The following AUTS2 variants were observed in gnomAD, a reference collection of about 807,000 sequenced individuals.
The protein encoded by AUTS2 is activator of transcription and developmental regulator AUTS2, also known as autism susceptibility gene 2 protein.
AUTS2 carries 17 observed loss-of-function variants against 112.4 expected under a neutral mutation model. The ratio of observed to expected loss-of-function variants is 0.15; its 90% CI spans 0.10 to 0.23. The LOEUF (loss-of-function observed/expected upper bound fraction) is 0.23, where lower values mean the gene tolerates loss of function less well. AUTS2 is among the 10% of genes least tolerant of loss of function. The probability of loss-of-function intolerance (pLI) is 1.00; values close to 1 mark genes in which losing one functional copy is unlikely to be tolerated. For missense variants in AUTS2, 1,510 were observed against 1,701.6 expected (o/e 0.89, Z 1.98); for synonymous variants, 751 against 702.7 (o/e 1.07, Z -1.09).
intron 1 of AUTS2, among the ~76,000 whole-genome samples, chr7:69,652,496 T>C (rs1406276768): frequency 6.6e-6 from 1 of 151,194 alleles, no homozygotes; most frequent in Non-Finnish European, 1.5e-5. Flanking sequence ...ATAAAGCACT[T>C]TGGAACTTAG....
At chr7:70,152,321 C>G (rs894487115) in intron 4 of AUTS2, among the ~76,000 whole-genome samples, 1 of 151,798 alleles carries the variant, frequency 6.6e-6, no homozygotes, top group Admixed American at 6.6e-5. Flanking sequence ...ATTACACCAA[C>G]ACATATTATA....
At chr7:70,283,615 T>A (rs1011257476) in intron 4 of AUTS2, among the ~76,000 whole-genome samples, 1 of 152,186 alleles carries the variant, frequency 6.6e-6, no homozygotes, top group African/African-American at 2.4e-5. Context: ...TACTTCTATT[T>A]GGTTATAGTC....
At chr7:70,342,351 G>A (rs937908959) in intron 4 of AUTS2, among the ~76,000 whole-genome samples, 7 of 150,628 alleles carry the variant, frequency 4.6e-5, no homozygotes, top group African/African-American at 9.8e-5. Flanking sequence ...GGGGGAAGTC[G>A]CTTGCCAGAA....
At chr7:69,975,886 C>A (rs1798039438) in intron 2 of AUTS2, among the ~76,000 whole-genome samples, 2 of 152,070 alleles carry the variant, frequency 1.3e-5, no homozygotes, top group South Asian at 4.2e-4. Context: ...CAGGGTTTCA[C>A]CATGTTGGCC....
chr7:70,131,604 C>G (rs186278492), intron 3 of AUTS2, among the ~76,000 whole-genome samples: 19 of 152,218 alleles, frequency 1.2e-4, no homozygotes, highest in Admixed American at 9.2e-4. Flanking sequence ...TGTTTCTAAA[C>G]ATTCCTTTTT....
At chr7:70,034,779 T>C (rs769513592) in intron 2 of AUTS2, among the ~76,000 whole-genome samples, 2 of 152,160 alleles carry the variant, frequency 1.3e-5, no homozygotes, top group Non-Finnish European at 2.9e-5. Context: ...AGAACAAACA[T>C]TGGTAGTTGA....
chr7:70,396,324 T>A (rs1036747854), intron 4 of AUTS2, among the ~76,000 whole-genome samples: 7 of 152,188 alleles, frequency 4.6e-5, no homozygotes, highest in African/African-American at 1.7e-4. Context: ...ATAACTGTAA[T>A]CTTATAGCGT....
intron 5 of AUTS2, among the ~76,000 whole-genome samples, chr7:70,600,588 T>G (rs2129529842): frequency 6.6e-6 from 1 of 152,276 alleles, no homozygotes; most frequent in Non-Finnish European, 1.5e-5. Flanking sequence ...ATTCAGTAAT[T>G]TTTAGTATAT....
chr7:69,739,236 G>A (rs955082469), intron 1 of AUTS2, among the ~76,000 whole-genome samples: 2 of 152,112 alleles, frequency 1.3e-5, no homozygotes, highest in Non-Finnish European at 2.9e-5. Flanking sequence ...CTATTTACTA[G>A]GCAGCTAAAT....
At chr7:70,283,928 A>T (rs575124427) in intron 4 of AUTS2, among the ~76,000 whole-genome samples, 2 of 152,320 alleles carry the variant, frequency 1.3e-5, no homozygotes, top group African/African-American at 4.8e-5. Flanking sequence ...CTTTTCAAAG[A>T]CAAAATCAGA....
chr7:70,437,837 CAA>C (rs35975127), intron 5 of AUTS2: 53 of 66,076 alleles, frequency 8.0e-4, no homozygotes, highest in Admixed American at 1.3e-3. Flanking sequence ...GAGATTCCAT[CAA>C]AAAAAAAAAA....
intron 5 of AUTS2, among the ~76,000 whole-genome samples, chr7:70,688,128 G>A (rs1467252931): frequency 1.3e-5 from 2 of 152,146 alleles, no homozygotes; most frequent in African/African-American, 2.4e-5. Flanking sequence ...GCTGTTGTCT[G>A]CCCTGAGCAT....
At chr7:69,637,297 T>C (rs1259560373) in intron 1 of AUTS2, among the ~76,000 whole-genome samples, 24 of 152,228 alleles carry the variant, frequency 1.6e-4, no homozygotes, top group Non-Finnish European at 1.5e-5. Flanking sequence ...GTTTTAACAT[T>C]TTTTATGCAT....
intron 4 of AUTS2, among the ~76,000 whole-genome samples, chr7:70,429,557 G>C (rs1275913497): frequency 6.6e-6 from 1 of 152,226 alleles, no homozygotes; most frequent in African/African-American, 2.4e-5. Context: ...TTGAAGCAAG[G>C]TATGTTAGGA....
intron 1 of AUTS2, among the ~76,000 whole-genome samples, chr7:69,708,094 C>G (rs940829133): frequency 3.3e-5 from 5 of 152,018 alleles, no homozygotes; most frequent in Non-Finnish European, 7.4e-5. Flanking sequence ...CATGTTTGAG[C>G]CTTTGAGTCT....
At chr7:69,811,081 A>T (rs756261183) in intron 1 of AUTS2, among the ~76,000 whole-genome samples, 1 of 151,934 alleles carries the variant, frequency 6.6e-6, no homozygotes, top group Non-Finnish European at 1.5e-5. Context: ...AGAAGTTCTC[A>T]CCTTTCCTGG....
chr7:70,061,699 G>T (rs1802252122), intron 2 of AUTS2, among the ~76,000 whole-genome samples: 1 of 151,912 alleles, frequency 6.6e-6, no homozygotes, highest in Non-Finnish European at 1.5e-5. Context: ...TTTGGCAAAA[G>T]AAACTTCACA....
chr7:70,562,746 A>G (rs926490195), intron 5 of AUTS2, among the ~76,000 whole-genome samples: 5 of 152,222 alleles, frequency 3.3e-5, no homozygotes, highest in African/African-American at 1.2e-4. Flanking sequence ...ACTAACAACA[A>G]ATAATGAATA....
intron 1 of AUTS2, among the ~76,000 whole-genome samples, chr7:69,674,870 G>A (rs2533429): frequency 0.61 from 92,446 of 151,978 alleles, 28,512 homozygotes; most frequent in East Asian, 0.7. Context: ...GACAAGAAAC[G>A]TGGGTCAGGA....
Sources: gnomAD v4.1 joint callset for allele counts (sites outside exome capture counted in the v4.1 genomes callset) on GRCh38, gnomAD v4.1.1 for gene constraint, MANE v1.5 for transcripts, NCBI Gene and HGNC (gene_info 2026-07-23, HGNC 2026-07-21) for gene names.